Variants in SGCZ observed in about 807,000 individuals in gnomAD.
The protein encoded by SGCZ is zeta-sarcoglycan.
Under a neutral mutation model 41.3 loss-of-function variants are expected in SGCZ, and 40 were observed. The ratio of observed to expected loss-of-function variants is 0.97; its 90% CI spans 0.75 to 1.26. SGCZ has a LOEUF of 1.26. Ranked by LOEUF, SGCZ falls within the 50% of genes most tolerant of loss-of-function variation. The probability of loss-of-function intolerance (pLI) is 0.00; values close to 1 mark genes in which losing one functional copy is unlikely to be tolerated. For synonymous variants in SGCZ, 206 were observed against 137.5 expected, an observed-to-expected ratio of 1.50 and a Z score of -3.49; for missense variants, 552 against 369.8, an observed-to-expected ratio of 1.49 and a Z score of -4.04.
At chr8:14,942,467 T>A (rs906097478) in intron 1 of SGCZ, among the ~76,000 whole-genome samples, 1 of 152,094 alleles carries the variant, frequency 6.6e-6, no homozygotes, top group Non-Finnish European at 1.5e-5. Flanking sequence ...AAGTTTCCTA[T>A]AGGATGATAT....
At chr8:14,959,902 C>T (rs188930368) in intron 1 of SGCZ, among the ~76,000 whole-genome samples, 12 of 152,250 alleles carry the variant, frequency 7.9e-5, no homozygotes, top group East Asian at 5.8e-4. Flanking sequence ...TTTTCCAGCA[C>T]GCGCTGAGGG....
chr8:14,240,436 T>C (rs1188380302), intron 3 of SGCZ, among the ~76,000 whole-genome samples: 1 of 151,890 alleles, frequency 6.6e-6, no homozygotes, highest in Non-Finnish European at 1.5e-5. Context: ...CCGCAGAGAA[T>C]TTGTTGAAGT....
chr8:15,133,756 A>G (rs768028254), intron 1 of SGCZ, among the ~76,000 whole-genome samples: 2 of 152,238 alleles, frequency 1.3e-5, no homozygotes, highest in Non-Finnish European at 2.9e-5. Flanking sequence ...AGAGTAGACC[A>G]TATCAGAAGA....
intron 5 of SGCZ, among the ~76,000 whole-genome samples, chr8:14,126,777 A>G (rs1802874358): frequency 1.3e-5 from 2 of 152,242 alleles, no homozygotes; most frequent in Non-Finnish European, 1.5e-5. Context: ...AATGTGGTGC[A>G]TATACACCAC....
intron 1 of SGCZ, among the ~76,000 whole-genome samples, chr8:14,994,200 C>T (rs532578643): frequency 1.3e-5 from 2 of 152,316 alleles, no homozygotes; most frequent in East Asian, 3.9e-4. Context: ...CACATTTGGT[C>T]TCATCATGGG....
chr8:14,433,286 T>A (rs1799997865), intron 2 of SGCZ, among the ~76,000 whole-genome samples: 1 of 152,214 alleles, frequency 6.6e-6, no homozygotes, highest in African/African-American at 2.4e-5. Flanking sequence ...ATTGTTTTAT[T>A]ACTTGTCCGT....
intron 1 of SGCZ, among the ~76,000 whole-genome samples, chr8:14,836,032 G>A (rs967975382): frequency 6.6e-6 from 1 of 151,980 alleles, no homozygotes; most frequent in Non-Finnish European, 1.5e-5. Context: ...TGCCTTCCTT[G>A]GTAAATCTAT....
intron 1 of SGCZ, among the ~76,000 whole-genome samples, chr8:15,005,322 CTTTTTCTT>C (rs879340585): frequency 0.51 from 58,763 of 116,230 alleles, 12,767 homozygotes; most frequent in South Asian, 0.59. Context: ...CCGTTTTTTT[CTTTTTCTT>C]TTTTTTTTTT....
At chr8:14,858,281 C>G (rs753101049) in intron 1 of SGCZ, among the ~76,000 whole-genome samples, 3 of 151,966 alleles carry the variant, frequency 2.0e-5, no homozygotes, top group East Asian at 3.9e-4. Context: ...CAATAATGAA[C>G]TCATCACATT....
In SGCZ at chr8:14,786,923, G is replaced by C. The variant is rs74549073; in HGVS notation, c.40-231997C>G. ...TACAACCATGCTGTATGATAAATTAGAGGAGGGGAAAGGGTAGAAAATAGA... is the reference window on the plus strand; with the variant it reads ...TACAACCATGCTGTATGATAAATTACAGGAGGGGAAAGGGTAGAAAATAGA... On this transcript the variant is annotated intron_variant, in intron 1 of 7. Transcript: ENST00000382080. 1.2e-4 allele frequency among the ~76,000 whole-genome samples: 18 copies of C among 151,586 alleles called. No homozygotes were observed. In the East Asian group the frequency reaches 3.5e-3, roughly 29 times the overall value.
intron 2 of SGCZ, among the ~76,000 whole-genome samples, chr8:14,460,529 A>G (rs1049082158): frequency 1.3e-5 from 2 of 152,156 alleles, no homozygotes; most frequent in Admixed American, 6.6e-5. Flanking sequence ...AAACATTGAC[A>G]GTGGGAGAGG....
intron 1 of SGCZ, among the ~76,000 whole-genome samples, chr8:14,608,514 C>T (rs1805825923): frequency 6.6e-6 from 1 of 151,936 alleles, no homozygotes; most frequent in South Asian, 2.1e-4. Flanking sequence ...ATGCCAAGCT[C>T]CTTTAAACAA....
At chr8:15,049,746 C>T (rs2130991227) in intron 1 of SGCZ, among the ~76,000 whole-genome samples, 1 of 152,186 alleles carries the variant, frequency 6.6e-6, no homozygotes, top group South Asian at 2.1e-4. Flanking sequence ...ATGTCAAGAG[C>T]AGGGCAAGGT....
chr8:14,316,357 A>T (rs961213020), intron 3 of SGCZ, among the ~76,000 whole-genome samples: 1 of 152,086 alleles, frequency 6.6e-6, no homozygotes. Flanking sequence ...CAATAATAAA[A>T]GAATACATCA....
chr8:14,268,727 T>G (rs1359097281), intron 3 of SGCZ, among the ~76,000 whole-genome samples: 2 of 151,906 alleles, frequency 1.3e-5, no homozygotes, highest in East Asian at 1.9e-4. Context: ...CAAAGATTAT[T>G]AAATTAATAT....
intron 1 of SGCZ, among the ~76,000 whole-genome samples, chr8:14,572,949 G>A (rs1210995372): frequency 2.6e-5 from 4 of 152,040 alleles, no homozygotes; most frequent in Non-Finnish European, 4.4e-5. Flanking sequence ...TACATGCAAA[G>A]CATTTTAAAT....
At chr8:14,095,021 A>G (rs1801799758) in intron 7 of SGCZ, among the ~76,000 whole-genome samples, 1 of 151,860 alleles carries the variant, frequency 6.6e-6, no homozygotes, top group Admixed American at 6.6e-5. Flanking sequence ...GATTCTGGAT[A>G]TTAGCCCTTT....
chr8:14,777,356 C>A (rs1224605597), intron 1 of SGCZ, among the ~76,000 whole-genome samples: 1 of 151,906 alleles, frequency 6.6e-6, no homozygotes, highest in East Asian at 1.9e-4. Context: ...AAAGAGAAAG[C>A]TGAATAAAAA....
intron 5 of SGCZ, among the ~76,000 whole-genome samples, chr8:14,122,264 G>C (rs1330172842): frequency 1.3e-5 from 2 of 152,258 alleles, no homozygotes; most frequent in African/African-American, 4.8e-5. Flanking sequence ...GGGAGACAGA[G>C]CAAGACTCAG....
Sources: gnomAD v4.1 joint callset for allele counts (sites outside exome capture counted in the v4.1 genomes callset) on GRCh38, gnomAD v4.1.1 for gene constraint, MANE v1.5 for transcripts, NCBI Gene and HGNC (gene_info 2026-07-23, HGNC 2026-07-21) for gene names.